ALG14: variants seen among roughly 807,000 people sequenced by gnomAD.
ALG14 encodes UDP-N-acetylglucosamine transferase subunit ALG14.
In ALG14, 17 loss-of-function variants were observed where a neutral mutation model predicts 22.8. The observed-to-expected ratio is 0.75, with a 90% CI of 0.51 to 1.12. The LOEUF is 1.12. ALG14 is among the 50% of genes most tolerant of loss of function. The probability of loss-of-function intolerance (pLI) is 0.00; values close to 1 mark genes in which losing one functional copy is unlikely to be tolerated. For synonymous variants in ALG14, 89 were observed against 103.7 expected (o/e 0.86, Z 0.86); for missense variants, 288 against 271.8 (o/e 1.06, Z -0.42).
intron 1 of ALG14, among the ~76,000 whole-genome samples, chr1:95,066,654 T>A (rs1371857177): frequency 6.6e-6 from 1 of 152,218 alleles, no homozygotes; most frequent in African/African-American, 2.4e-5. Flanking sequence ...CTTTATAACC[T>A]GTCACCCATC....
chr1:95,048,079 C>T (rs1332876314), intron 2 of ALG14, among the ~76,000 whole-genome samples: 3 of 152,140 alleles, frequency 2.0e-5, no homozygotes, highest in Admixed American at 1.3e-4. Flanking sequence ...AATTATGGGG[C>T]ATATTCAATA....
intron 3 of ALG14, among the ~76,000 whole-genome samples, chr1:94,992,420 C>T (rs371301847): frequency 6.6e-6 from 1 of 152,248 alleles, no homozygotes; most frequent in African/African-American, 2.4e-5. Context: ...GACTTACTTA[C>T]AAGCAAGTAT....
chr1:95,027,536 G>A (rs1427918450), intron 2 of ALG14, among the ~76,000 whole-genome samples: 1 of 152,166 alleles, frequency 6.6e-6, no homozygotes, highest in Non-Finnish European at 1.5e-5. Context: ...TTCAGGCAAA[G>A]AATTTAACCT....
At chr1:95,057,138 A>G (rs904115413) in intron 2 of ALG14, among the ~76,000 whole-genome samples, 1 of 150,636 alleles carries the variant, frequency 6.6e-6, no homozygotes, top group East Asian at 2.0e-4. Flanking sequence ...ATACCGTTTT[A>G]TATATATATA....
intron 3 of ALG14, among the ~76,000 whole-genome samples, chr1:94,991,275 A>G (rs1672764598): frequency 6.6e-6 from 1 of 152,200 alleles, no homozygotes; most frequent in South Asian, 2.1e-4. Context: ...TTGCTTAACA[A>G]TGGGGATACT....
intron 1 of ALG14, among the ~76,000 whole-genome samples, chr1:95,070,729 A>G (rs188087620): frequency 2.6e-5 from 4 of 152,232 alleles, no homozygotes; most frequent in African/African-American, 9.6e-5. Flanking sequence ...GCTTTTGATT[A>G]TATCATTTTA....
chr1:95,057,721 G>C (rs1179802558), intron 2 of ALG14, among the ~76,000 whole-genome samples: 1 of 151,350 alleles, frequency 6.6e-6, no homozygotes, highest in African/African-American at 2.4e-5. Flanking sequence ...GTAGAAAAAA[G>C]AGAAGAAAAT....
Position 94,983,050 on chromosome 1 carries a change from A to T in ALG14, c.*26T>A. The T allele has an allele frequency of 1.9e-6, 3 of 1,607,920 alleles. No homozygotes were observed. The highest frequency in any genetic ancestry group is 1.7e-6 in the Non-Finnish European group (2 of 1,174,594). ...AGTACATACTACTGTTAACTGCAAA[A>T]TTCTAAAGAAGTCAGTTGCCATTTG... On this transcript the variant is annotated 3_prime_UTR_variant, in exon 4 of 4. Transcript: ENST00000370205.
intron 3 of ALG14, among the ~76,000 whole-genome samples, chr1:95,025,550 C>T (rs1312353768): frequency 1.3e-5 from 2 of 152,144 alleles, no homozygotes; most frequent in African/African-American, 2.4e-5. Context: ...ATGACATCGT[C>T]GAATATAAGG....
At position 95,026,462 on chromosome 1, in the gene ALG14, A is replaced by ATGTGTG. The variant is rs141495807; in HGVS notation, c.420+661_420+666dup. Among the ~76,000 whole-genome samples the ATGTGTG allele has an allele frequency of 9.5e-3, 1,358 of 142,330 alleles. 20 individuals are homozygous for ATGTGTG. Among genetic ancestry groups the ATGTGTG allele is most frequent in the African/African-American group, 0.02 (789 of 38,534 alleles). 93.4% of individuals were successfully genotyped at this position (142,330 alleles called of 152,430 possible). A position where few individuals can be genotyped will look rare whatever the true frequency, so the allele number is the denominator to read the frequency against. On this transcript the variant is annotated intron_variant, in intron 3 of 3. Transcript: ENST00000370205. Reference sequence around the variant, plus strand: ...TCTCATAGACAGGGAAGCCCAAGGAATGTGTGTGTGTGTGTGTGTGTGTGT... The same window carrying ATGTGTG: ...TCTCATAGACAGGGAAGCCCAAGGAATGTGTGTGTGTGTGTGTGTGTGTGTGTGTGT...
chr1:95,009,609 T>C (rs1030809576), intron 3 of ALG14, among the ~76,000 whole-genome samples: 2 of 152,166 alleles, frequency 1.3e-5, no homozygotes, highest in Non-Finnish European at 2.9e-5. Context: ...GTATTCTCTG[T>C]ATGCAAAATA....
intron 2 of ALG14, among the ~76,000 whole-genome samples, chr1:95,061,103 A>G (rs1424892946): frequency 6.6e-6 from 1 of 152,198 alleles, no homozygotes; most frequent in Admixed American, 6.5e-5. Context: ...GGAGGAAGCA[A>G]GGAGGGATTC....
intron 3 of ALG14, among the ~76,000 whole-genome samples, chr1:95,002,348 G>T (rs1270746663): frequency 6.6e-6 from 1 of 151,710 alleles, no homozygotes; most frequent in East Asian, 2.0e-4. Flanking sequence ...CCTTAAGTTG[G>T]ATGAGCACAA....
rs1229495395 is a variant in ALG14, at chr1:95,072,764, G to A, written c.135C>T (p.Ser45=). The A allele has an allele frequency of 6.2e-7, 1 of 1,613,926 alleles. No homozygotes were observed. The highest frequency in any genetic ancestry group is 8.5e-7 in the Non-Finnish European group (1 of 1,180,014). The part of the protein sequence containing the change: ...ESLSILVVAG[S]GGHTTEILRL... ...GACAGTCGCCTCCTCGATACTTACC[G>A]GACCCAGCCACTACCAAGATACTGA... Residue 45 remains serine (S), a splice_region_variant and synonymous_variant, in exon 1 of 4, where the codon TCC becomes TCT. Coordinates refer to ENST00000370205, the MANE Select transcript of ALG14 (RefSeq NM_144988.4).
rs767789951 is a variant in ALG14, at chr1:94,980,023, T to C, written c.*3053A>G. ...TGTTGGTAAAAGGTGCTTAATACAT[T>C]GCTATCAAATGCCTTTTGGGGGATG... On this transcript the variant is annotated 3_prime_UTR_variant, in exon 4 of 4. Transcript: ENST00000370205. The C allele has an allele frequency of 6.7e-6, 1 of 148,676 alleles. No individual in the cohort carries two copies. Among genetic ancestry groups the C allele is most frequent in the Non-Finnish European group, 1.5e-5 (1 of 67,614 alleles). The allele number at this position is 148,676 out of a possible 1,614,324, so 9.2% of individuals were successfully genotyped here.
chr1:94,995,846 A>T (rs1191230632), intron 3 of ALG14, among the ~76,000 whole-genome samples: 1 of 152,208 alleles, frequency 6.6e-6, no homozygotes, highest in African/African-American at 2.4e-5. Context: ...ATTGTCCATC[A>T]CACATTTCCC....
chr1:95,026,418 T>A (rs1172304404), intron 3 of ALG14, among the ~76,000 whole-genome samples: 2 of 151,958 alleles, frequency 1.3e-5, no homozygotes, highest in Non-Finnish European at 2.9e-5. Context: ...TTAATTGGCC[T>A]AATTTCAATA....
chr1:95,024,540 C>T (rs1375836747), intron 3 of ALG14, among the ~76,000 whole-genome samples: 1 of 152,210 alleles, frequency 6.6e-6, no homozygotes, highest in Non-Finnish European at 1.5e-5. Context: ...TTAGGTCTCT[C>T]TGGCATGGGC....
In ALG14 at chr1:94,977,652, A is replaced by AT. The variant is rs35295125; in HGVS notation, c.*5423dup. 83,523 of 148,288 alleles carry AT rather than the reference A, an allele frequency of 0.56. 24,286 individuals carry two copies. The highest frequency in any genetic ancestry group is 0.83 in the East Asian group (4,219 of 5,060). 9.2% of individuals were successfully genotyped at this position (148,288 alleles called of 1,614,324 possible). A position where few individuals can be genotyped will look rare whatever the true frequency, so the allele number is the denominator to read the frequency against. On this transcript the variant is annotated 3_prime_UTR_variant, in exon 4 of 4. Transcript: ENST00000370205. ...CACAAACAAAAGCTCATTGGGATAT[A>AT]TTTTTTTTTTTTCTGAGGCAGGGTC...
Sources: allele counts gnomAD v4.1 joint callset (sites outside exome capture counted in the v4.1 genomes callset), GRCh38; gene constraint gnomAD v4.1.1; transcripts MANE v1.5; gene names NCBI Gene and HGNC (gene_info 2026-07-23, HGNC 2026-07-21).